Variants in AUTS2 observed in about 807,000 individuals in gnomAD.
AUTS2 encodes activator of transcription and developmental regulator AUTS2.
AUTS2 carries 17 observed loss-of-function variants against 112.4 expected under a neutral mutation model. The ratio of observed to expected loss-of-function variants is 0.15; its 90% confidence interval spans 0.10 to 0.23. The LOEUF is 0.23. Ranked by LOEUF, AUTS2 falls within the 10% of genes least tolerant of loss-of-function variation. The pLI is 1.00. For synonymous variants in AUTS2, 751 were observed against 702.7 expected (o/e 1.07, Z -1.09); for missense variants, 1,510 against 1,701.6 (o/e 0.89, Z 1.98).
At chr7:69,630,969 C>T (rs1179884236) in intron 1 of AUTS2, among the ~76,000 whole-genome samples, 3 of 151,508 alleles carry the variant, frequency 2.0e-5, no homozygotes, top group African/African-American at 7.3e-5. Flanking sequence ...TTTGTTCTTA[C>T]TCATTTATCC....
intron 2 of AUTS2, among the ~76,000 whole-genome samples, chr7:69,906,813 A>T (rs1455728332): frequency 6.6e-6 from 1 of 152,192 alleles, no homozygotes; most frequent in African/African-American, 2.4e-5. Flanking sequence ...AGGGTCAAAC[A>T]TACAGTTATT....
At chr7:70,148,740 A>G (rs1291183109) in intron 4 of AUTS2, among the ~76,000 whole-genome samples, 1 of 152,138 alleles carries the variant, frequency 6.6e-6, no homozygotes, top group Non-Finnish European at 1.5e-5. Flanking sequence ...AGTAAAACAA[A>G]AAACGGTGTA....
At chr7:70,019,607 C>T (rs1222434473) in intron 2 of AUTS2, among the ~76,000 whole-genome samples, 2 of 152,052 alleles carry the variant, frequency 1.3e-5, no homozygotes, top group Non-Finnish European at 2.9e-5. Context: ...GCCTCAGGTC[C>T]ATCTTTGGCC....
At chr7:69,683,120 G>A (rs927152255) in intron 1 of AUTS2, among the ~76,000 whole-genome samples, 3 of 152,188 alleles carry the variant, frequency 2.0e-5, no homozygotes, top group Non-Finnish European at 4.4e-5. Context: ...TGGATGAGGC[G>A]GTATCTGATT....
chr7:69,686,591 T>A (rs538933580), intron 1 of AUTS2, among the ~76,000 whole-genome samples: 1 of 152,346 alleles, frequency 6.6e-6, no homozygotes, highest in African/African-American at 2.4e-5. Flanking sequence ...ATTCTGTTGT[T>A]TTCAAAATAC....
At chr7:70,157,951 T>C (rs1335214691) in intron 4 of AUTS2, among the ~76,000 whole-genome samples, 1 of 152,192 alleles carries the variant, frequency 6.6e-6, no homozygotes. Flanking sequence ...ATCTCTTTCA[T>C]GAGTACTGCT....
At chr7:70,772,441 C>T (rs981849944) in intron 11 of AUTS2, among the ~76,000 whole-genome samples, 6 of 152,202 alleles carry the variant, frequency 3.9e-5, no homozygotes, top group African/African-American at 1.4e-4. Flanking sequence ...ATTTTACCTT[C>T]ACACAAAAAT....
At chr7:70,094,447 A>G (rs994461604) in intron 2 of AUTS2, among the ~76,000 whole-genome samples, 1 of 152,220 alleles carries the variant, frequency 6.6e-6, no homozygotes. Flanking sequence ...AAGCAAAGGA[A>G]ACATACAGAA....
chr7:70,375,385 A>G (rs986554557), intron 4 of AUTS2, among the ~76,000 whole-genome samples: 2 of 152,192 alleles, frequency 1.3e-5, no homozygotes, highest in African/African-American at 2.4e-5. Context: ...GTACCTGGCA[A>G]TGGTGAACCA....
chr7:70,592,179 A>G (rs1226803379), intron 5 of AUTS2, among the ~76,000 whole-genome samples: 1 of 152,202 alleles, frequency 6.6e-6, no homozygotes, highest in Non-Finnish European at 1.5e-5. Flanking sequence ...ATGTTTTTTC[A>G]GTATGACACA....
intron 4 of AUTS2, among the ~76,000 whole-genome samples, chr7:70,259,835 G>C (rs558835523): frequency 6.6e-6 from 1 of 152,332 alleles, no homozygotes; most frequent in Admixed American, 6.5e-5. Flanking sequence ...CCTCACATTA[G>C]TGGGGTAGAT....
At chr7:70,233,765 A>G (rs1305314043) in intron 4 of AUTS2, among the ~76,000 whole-genome samples, 1 of 152,230 alleles carries the variant, frequency 6.6e-6, no homozygotes, top group Non-Finnish European at 1.5e-5. Flanking sequence ...AGAAGACCAT[A>G]AGAATCACCA....
chr7:69,838,717 C>G (rs935154373), intron 1 of AUTS2, among the ~76,000 whole-genome samples: 19 of 152,096 alleles, frequency 1.2e-4, no homozygotes, highest in African/African-American at 4.3e-4. Context: ...GATAGCACAA[C>G]CAAATAAAAA....
intron 4 of AUTS2, among the ~76,000 whole-genome samples, chr7:70,192,788 T>G (rs1246502729): frequency 1.3e-5 from 2 of 152,160 alleles, no homozygotes; most frequent in African/African-American, 4.8e-5. Flanking sequence ...CCACCTCCAC[T>G]GAGACTGCTG....
rs147361649 is a variant in AUTS2 at position 69,676,908 on chromosome 7, G to C, written c.309+76946G>C. Among the ~76,000 whole-genome samples, 762 of 151,602 alleles carry C rather than the reference G, an allele frequency of 5.0e-3. 11 individuals are homozygous for C. Among genetic ancestry groups the C allele is most frequent in the African/African-American group, 0.017 (708 of 41,294 alleles). ...TTTTTTTCACAGAAGGGTAAAGGAA[G>C]TGCATTATGTTTCATATGTAGATGC... On this transcript the variant is annotated intron_variant, in intron 1 of 18. Coordinates refer to ENST00000342771, the MANE Select transcript of AUTS2 (RefSeq NM_015570.4).
At chr7:69,909,437 G>GT (rs1259962601) in intron 2 of AUTS2, among the ~76,000 whole-genome samples, 7 of 151,944 alleles carry the variant, frequency 4.6e-5, no homozygotes, top group African/African-American at 1.2e-4. Flanking sequence ...CTAATTTCTT[G>GT]TTTTTTCCCA....
intron 4 of AUTS2, among the ~76,000 whole-genome samples, chr7:70,362,319 C>T (rs994828459): frequency 2.6e-5 from 4 of 151,686 alleles, no homozygotes; most frequent in African/African-American, 7.3e-5. Context: ...TCTTCCCTTC[C>T]TTTCTCCACT....
rs527665617 is a variant in AUTS2, at chr7:69,950,690, A to G, written c.522+51192A>G. ...ACATGACTTCTGGTCCAGTGTTCCA[A>G]GTGAAGGCCAAGTAATGTCAAGGTA... On this transcript the variant is annotated intron_variant, in intron 2 of 18. Coordinates refer to ENST00000342771, the MANE Select transcript of AUTS2 (RefSeq NM_015570.4). 2.0e-5 allele frequency among the ~76,000 whole-genome samples: 3 copies of G among 152,256 alleles called. No individual in the cohort carries two copies. The South Asian group carries it at 6.2e-4, about 32-fold the overall frequency.
chr7:70,196,816 A>G (rs964386244), intron 4 of AUTS2, among the ~76,000 whole-genome samples: 1 of 152,186 alleles, frequency 6.6e-6, no homozygotes, highest in Non-Finnish European at 1.5e-5. Context: ...TTTTGGTACT[A>G]TTAATGGTCA....
Sources: gnomAD v4.1 joint callset for allele counts (sites outside exome capture counted in the v4.1 genomes callset) on GRCh38, gnomAD v4.1.1 for gene constraint, MANE v1.5 for transcripts, NCBI Gene and HGNC (gene_info 2026-07-23, HGNC 2026-07-21) for gene names.